Variants in TCP11L2 observed in about 807,000 individuals in gnomAD.
TCP11L2 encodes T-complex protein 11-like protein 2.
TCP11L2 carries 39 observed loss-of-function variants against 50.7 expected under a neutral mutation model. The ratio of observed to expected loss-of-function variants is 0.77; its 90% CI spans 0.60 to 1.01. The LOEUF (loss-of-function observed/expected upper bound fraction) is 1.01. Ranked by LOEUF, TCP11L2 falls within the 50% of genes least tolerant of loss-of-function variation. The pLI is 0.00. For missense variants in TCP11L2, 612 were observed against 614.7 expected, an observed-to-expected ratio of 1.00 and a Z score of 0.05; for synonymous variants, 192 against 219.3, an observed-to-expected ratio of 0.88 and a Z score of 1.10.
intron 7 of TCP11L2, 93 bp from the exon 8 acceptor site, chr12:106,335,939 A>C: frequency 6.7e-7 from 1 of 1,496,780 alleles, no homozygotes; most frequent in East Asian, 2.4e-5. Context: ...AAAATCAGAT[A>C]AAAATGGGAA....
upstream of TCP11L2, among the ~76,000 whole-genome samples, chr12:106,302,245 G>C (rs1008015918): frequency 2.0e-5 from 3 of 152,034 alleles, no homozygotes; most frequent in Admixed American, 6.5e-5. Context: ...AAGCCCAGGG[G>C]ATCTGTCCGG....
chr12:106,346,200 C>A, intron 9 of TCP11L2, 86 bp from the exon 10 acceptor site: 3 of 1,359,898 alleles, frequency 2.2e-6, no homozygotes, highest in Non-Finnish European at 2.0e-6. Context: ...TTATTGCAGT[C>A]AACCTACTAC....
At chr12:106,332,360 G>T (rs373708263) in intron 6 of TCP11L2, among the ~76,000 whole-genome samples, 20 of 152,018 alleles carry the variant, frequency 1.3e-4, no homozygotes, top group Non-Finnish European at 2.8e-4. Context: ...ATAAATATTC[G>T]TAGCAGCCTT....
chr12:106,346,202 A>C, intron 9 of TCP11L2, 84 bp from the exon 10 acceptor site: 1 of 1,376,878 alleles, frequency 7.3e-7, no homozygotes, highest in South Asian at 1.4e-5. Context: ...ATTGCAGTCA[A>C]CCTACTACAA....
chr12:106,318,907 T>TA (rs1409457739), intron 4 of TCP11L2, among the ~76,000 whole-genome samples: 5 of 149,964 alleles, frequency 3.3e-5, no homozygotes, highest in East Asian at 3.9e-4. Context: ...TTTTTTTTTT[T>TA]TTTTTTATTT....
At chr12:106,322,937 G>A (rs1453891766) in intron 5 of TCP11L2, among the ~76,000 whole-genome samples, 1 of 152,118 alleles carries the variant, frequency 6.6e-6, no homozygotes, top group East Asian at 1.9e-4. Context: ...GCGCCCACTG[G>A]GTGCCACTGC....
At chr12:106,333,755 A>T (rs897538063) in intron 6 of TCP11L2, among the ~76,000 whole-genome samples, 5 of 152,222 alleles carry the variant, frequency 3.3e-5, no homozygotes, top group African/African-American at 1.2e-4. Context: ...TAGTCTTGAC[A>T]TTAAAGAATC....
chr12:106,312,746 G>T (rs1338515370), intron 2 of TCP11L2, among the ~76,000 whole-genome samples: 1 of 152,138 alleles, frequency 6.6e-6, no homozygotes, highest in Non-Finnish European at 1.5e-5. Flanking sequence ...GCTGAGCATG[G>T]TGGCATGCAC....
At chr12:106,302,349 C>G (rs2034442185), upstream of TCP11L2, among the ~76,000 whole-genome samples, 1 of 118,108 alleles carries the variant, frequency 8.5e-6, no homozygotes, top group African/African-American at 3.7e-5. Flanking sequence ...TCAGCCCCCG[C>G]TCAGCCCCCG....
At chr12:106,322,829 C>T (rs1464833937) in intron 5 of TCP11L2, among the ~76,000 whole-genome samples, 1 of 152,178 alleles carries the variant, frequency 6.6e-6, no homozygotes, top group African/African-American at 2.4e-5. Context: ...TCGGCTCTGG[C>T]AGATTGTGAT....
At chr12:106,336,342 C>A in intron 8 of TCP11L2, 129 bp downstream of exon 8, 1 of 819,676 alleles carries the variant, frequency 1.2e-6, no homozygotes, top group Non-Finnish European at 1.8e-6. Flanking sequence ...TTATCTTACA[C>A]CTTTTTCTAG....
In TCP11L2 at chr12:106,340,810, A is replaced by C. The variant is rs1324458096; in HGVS notation, c.1143-16A>C. On this transcript the variant is annotated splice_polypyrimidine_tract_variant and intron_variant, in intron 8 of 9. Transcript: ENST00000299045. ...CAAAAACTTTCCCTGGTGGAATTTCATTTTATGTTTCATAGGACCTTTAAC... is the reference window on the plus strand; with the variant it reads ...CAAAAACTTTCCCTGGTGGAATTTCCTTTTATGTTTCATAGGACCTTTAAC... 3 of 1,556,912 alleles carry C rather than the reference A, an allele frequency of 1.9e-6. No homozygotes were observed. The highest frequency in any genetic ancestry group is 2.6e-6 in the Non-Finnish European group (3 of 1,157,206).
intron 4 of TCP11L2, among the ~76,000 whole-genome samples, chr12:106,319,973 G>A (rs1446378189): frequency 6.6e-6 from 1 of 152,178 alleles, no homozygotes; most frequent in Non-Finnish European, 1.5e-5. Context: ...TTTTTAAAGA[G>A]TTCTTTTGGA....
chr12:106,335,186 C>G, intron 6 of TCP11L2, among the ~76,000 whole-genome samples: 1 of 152,148 alleles, frequency 6.6e-6, no homozygotes, highest in Non-Finnish European at 1.5e-5. Flanking sequence ...AATCTTTCAC[C>G]TTTTACCAAA....
chr12:106,345,939 T>G (rs2036216550), intron 9 of TCP11L2, among the ~76,000 whole-genome samples: 1 of 152,182 alleles, frequency 6.6e-6, no homozygotes, highest in South Asian at 2.1e-4. Flanking sequence ...TCTCTCATCC[T>G]CCAGCAAGCC....
At chr12:106,307,120 T>TA (rs1429366704) in intron 1 of TCP11L2, among the ~76,000 whole-genome samples, 1 of 152,244 alleles carries the variant, frequency 6.6e-6, no homozygotes, top group Non-Finnish European at 1.5e-5. Context: ...TCAGTAGTCT[T>TA]ACTACCATTC....
chr12:106,345,982 G>A (rs2036218498), intron 9 of TCP11L2, among the ~76,000 whole-genome samples: 2 of 152,136 alleles, frequency 1.3e-5, no homozygotes, highest in African/African-American at 4.8e-5. Context: ...GTAGGTAGAC[G>A]GTGGACATGA....
chr12:106,320,331 G>T (rs373854210), intron 4 of TCP11L2, among the ~76,000 whole-genome samples: 10 of 152,008 alleles, frequency 6.6e-5, no homozygotes, highest in African/African-American at 2.4e-4. Context: ...CTGGGAGGCG[G>T]AGATTGCAGT....
At chr12:106,328,911 C>T (rs1339285558) in intron 6 of TCP11L2, among the ~76,000 whole-genome samples, 3 of 152,100 alleles carry the variant, frequency 2.0e-5, no homozygotes, top group Admixed American at 6.6e-5. Context: ...ACTCAGATCC[C>T]GGGAAGGAGT....
Sources: allele counts gnomAD v4.1 joint callset (sites outside exome capture counted in the v4.1 genomes callset), GRCh38; gene constraint gnomAD v4.1.1; transcripts MANE v1.5; gene names NCBI Gene and HGNC (gene_info 2026-07-23, HGNC 2026-07-21).